Variants in BICDL2 observed in about 807,000 individuals in gnomAD.
BICDL2 encodes BICD family like cargo adaptor 2.
BICDL2 carries 62 observed loss-of-function variants against 56.6 expected under a neutral mutation model. The ratio of observed to expected loss-of-function variants is 1.10; its 90% CI spans 0.89 to 1.35. The LOEUF is 1.35. Among genes scored for constraint, BICDL2 ranks in the 40% most tolerant of loss-of-function variants. BICDL2 has a pLI of 0.00. For missense variants in BICDL2, 808 were observed against 684.5 expected, an observed-to-expected ratio of 1.18 and a Z score of -2.01; for synonymous variants, 358 against 319.8, an observed-to-expected ratio of 1.12 and a Z score of -1.27.
rs200230281 is a variant in BICDL2, at chr16:3,028,484, C to T, written c.1239-16G>A. On this transcript the variant is annotated splice_polypyrimidine_tract_variant and intron_variant, in intron 8 of 9. Coordinates refer to ENST00000572449, the MANE Select transcript of BICDL2 (RefSeq NM_001369667.1). ...CTCCAGGGCCCTAGGCGGGCAGGAG[C>T]AGAAGACGCGTTTGAGGGCGCTAGG... 2 of 1,570,848 alleles carry T rather than the reference C, an allele frequency of 1.3e-6. No individual in the cohort carries two copies. Among genetic ancestry groups the T allele is most frequent in the Admixed American group, 1.8e-5 (1 of 54,656 alleles).
chr16:3,034,642 TTTC>T (rs1457505328), intron 2 of BICDL2, among the ~76,000 whole-genome samples: 1 of 141,006 alleles, frequency 7.1e-6, no homozygotes, highest in Non-Finnish European at 1.6e-5. Flanking sequence ...CTTTCCTTTT[TTTC>T]TTTTCTTTCT....
chr16:3,028,489 G>A lies in BICDL2; in HGVS notation c.1239-21C>T, dbSNP rs761936838. 1.3e-5 allele frequency: 21 copies of A among 1,570,678 alleles called. No individual in the cohort carries two copies. In the East Asian group the frequency reaches 1.4e-4, roughly 10 times the overall value. On this transcript the variant is annotated intron_variant, in intron 8 of 9. Transcript: ENST00000572449. ...GGGCCCTAGGCGGGCAGGAGCAGAA[G>A]ACGCGTTTGAGGGCGCTAGGGCCTC...
At chr16:3,031,449 G>A in intron 2 of BICDL2, 1 of 533,220 alleles carries the variant, frequency 1.9e-6, no homozygotes, top group South Asian at 2.9e-5. Flanking sequence ...GAGGTCGCAA[G>A]CGCCGTTTTT....
chr16:3,035,101 G>T (rs911908377), intron 2 of BICDL2, 114 bp downstream of exon 2: 3 of 1,120,602 alleles, frequency 2.7e-6, no homozygotes, highest in Admixed American at 2.6e-5. Flanking sequence ...TCGCCCGGCT[G>T]TCCTCCCCAG....
chr16:3,034,234 C>T (rs1438545853), intron 2 of BICDL2, among the ~76,000 whole-genome samples: 1 of 152,188 alleles, frequency 6.6e-6, no homozygotes, highest in Non-Finnish European at 1.5e-5. Flanking sequence ...CAGAGAGGGC[C>T]AGCAGCTGAC....
At chr16:3,029,962 C>T in intron 5 of BICDL2, 1 of 537,624 alleles carries the variant, frequency 1.9e-6, no homozygotes. Context: ...CGAAGAGCCC[C>T]ATCTCCTCCC....
At position 3,030,812 on chromosome 16, in the gene BICDL2, CCTGGGGAGGT is replaced by C. The variant is rs779005751; in HGVS notation, c.499-10_499-1del. 1 of 1,605,642 alleles carries C rather than the reference CCTGGGGAGGT, an allele frequency of 6.2e-7. No homozygotes were observed. The highest frequency in any genetic ancestry group is 8.5e-7 in the Non-Finnish European group (1 of 1,177,266). On this transcript the variant is annotated splice_acceptor_variant and splice_polypyrimidine_tract_variant and intron_variant, in intron 3 of 9. Coordinates refer to ENST00000572449, the MANE Select transcript of BICDL2 (RefSeq NM_001369667.1). LOFTEE classifies it high-confidence loss of function. ...TGAAGTTCCTGCTCAGTCTGGGAGGCCTGGGGAGGTGGAAAGAGGGACAGAGGAGCCTCAG... is the reference window on the plus strand; with the variant it reads ...TGAAGTTCCTGCTCAGTCTGGGAGGCGGAAAGAGGGACAGAGGAGCCTCAG...
At chr16:3,030,348 C>G (rs776475873) in intron 5 of BICDL2, 101 bp downstream of exon 5, 4 of 1,436,544 alleles carry the variant, frequency 2.8e-6, no homozygotes, top group Non-Finnish European at 3.7e-6. Flanking sequence ...GGGCCAGCCT[C>G]TGGGCCTCCC....
intron 1 of BICDL2, chr16:3,036,619 C>T (rs547509266): frequency 4.4e-6 from 2 of 451,060 alleles, no homozygotes; most frequent in East Asian, 7.0e-5. Flanking sequence ...CCCCCGCCCC[C>T]CTCCACGCGA....
Position 3,028,203 on chromosome 16 carries a change from G to T in BICDL2, c.1430C>A (p.Ser477Ter). The T allele has an allele frequency of 1.4e-6, 2 of 1,467,758 alleles. No homozygotes were observed. Among genetic ancestry groups the T allele is most frequent in the Non-Finnish European group, 8.9e-7 (1 of 1,121,298 alleles). The allele number at this position is 1,467,758 out of a possible 1,614,324, so 90.9% of individuals were successfully genotyped here. A position where few individuals can be genotyped will look rare whatever the true frequency, so the allele number is the denominator to read the frequency against. Residue 477 changes from serine to a stop codon, truncating the protein, a stop_gained, in exon 10 of 10, where the codon TCG (serine) becomes TAG (stop). Transcript: ENST00000572449. LOFTEE classifies it low-confidence loss of function (END_TRUNC). ...CGCGGCACGGCGCGGGGTCGACGACGACGCGGAGGCGCTCAGCTCCTTCTG... is the reference window on the plus strand; with the variant it reads ...CGCGGCACGGCGCGGGGTCGACGACTACGCGGAGGCGCTCAGCTCCTTCTG... ...QRQKELSASA[S>*]SSTPRRAAPR...
In BICDL2 at chr16:3,029,563, G is replaced by C; in HGVS notation, c.939C>G (p.Asp313Glu). 5.8e-6 allele frequency: 9 copies of C among 1,548,004 alleles called. No individual in the cohort carries two copies. The highest frequency in any genetic ancestry group is 7.8e-6 in the Non-Finnish European group (9 of 1,151,230). The change falls in exon 6 of 10, where the codon GAC (aspartate) becomes GAG (glutamate). Residue 313 changes from aspartate to glutamate, a missense_variant. Asp to Glu is a conservative substitution (Grantham distance 45). Transcript: ENST00000572449. ...LDDGDQGQGA[D>E]APGDTPTTRS... ...AGCTCACCGGGGTGTCTCCGGGTGC[G>C]TCGGCGCCCTGGCCCTGGTCGCCGT...
At chr16:3,031,466 TG>T (rs1028109648) in intron 2 of BICDL2, 1 of 537,902 alleles carries the variant, frequency 1.9e-6, no homozygotes, top group Non-Finnish European at 3.3e-6. Context: ...TTTTGGCGCC[TG>T]AGTCTGGCAG....
At chr16:3,036,359 C>A (rs562785991) in intron 1 of BICDL2, 1 of 448,492 alleles carries the variant, frequency 2.2e-6, no homozygotes, top group Non-Finnish European at 4.5e-6. Context: ...GCCCTGGGCT[C>A]CCCTAGGGCG....
chr16:3,029,709 C>G lies in BICDL2; in HGVS notation c.793G>C (p.Ala265Pro), dbSNP rs1011571131. The G allele has an allele frequency of 6.5e-7, 1 of 1,539,610 alleles. No homozygotes were observed. Among genetic ancestry groups the G allele is most frequent in the South Asian group, 1.2e-5 (1 of 84,530 alleles). ...TGCAGCCTCCGCAGCGCACTCAGCG[C>G]CTCCCCAGCCTCTGACCGTGCGCGT... ...LERARSEAGE[A>P]LSALRRLQRR... Residue 265 changes from alanine to proline, a missense_variant, in exon 6 of 10, where the codon GCG becomes CCG. By Grantham distance (27) the Ala-to-Pro change is conservative. Coordinates refer to ENST00000572449, the MANE Select transcript of BICDL2 (RefSeq NM_001369667.1).
rs1304623425 is a variant in BICDL2 at position 3,029,533 on chromosome 16, C to A, written c.957+12G>T. ...TGGCACAGGTAAGGGGGCTGGGGCCCCACGAGCTCACCGGGGTGTCTCCGG... is the reference window on the plus strand; with the variant it reads ...TGGCACAGGTAAGGGGGCTGGGGCCACACGAGCTCACCGGGGTGTCTCCGG... On this transcript the variant is annotated intron_variant, in intron 6 of 9. Coordinates refer to ENST00000572449, the MANE Select transcript of BICDL2 (RefSeq NM_001369667.1). The A allele has an allele frequency of 6.4e-7, 1 of 1,554,954 alleles. No individual in the cohort carries two copies. The highest frequency in any genetic ancestry group is 8.6e-7 in the Non-Finnish European group (1 of 1,156,320).
At position 3,028,687 on chromosome 16, in the gene BICDL2, G is replaced by A; in HGVS notation, c.1238+13C>T. 6.4e-7 allele frequency: 1 copy of A among 1,568,614 alleles called. No homozygotes were observed. The highest frequency in any genetic ancestry group is 8.6e-7 in the Non-Finnish European group (1 of 1,156,296). On this transcript the variant is annotated intron_variant, in intron 8 of 9. Coordinates refer to ENST00000572449, the MANE Select transcript of BICDL2 (RefSeq NM_001369667.1). ...GAGGGCGCTGGGGCGGTGGTCAATG[G>A]CTTGAGGCTTACTTGTTCACGGCCT...
At chr16:3,031,346 A>G (rs1955651730) in intron 2 of BICDL2, 196 bp from the exon 3 acceptor site, 1 of 598,688 alleles carries the variant, frequency 1.7e-6, no homozygotes, top group African/African-American at 1.9e-5. Flanking sequence ...GAAGGTTCCG[A>G]GCAGACAGGA....
chr16:3,035,260 C>T lies in BICDL2; in HGVS notation c.237G>A (p.Arg79=). 1 of 1,549,798 alleles carries T rather than the reference C, an allele frequency of 6.5e-7. No individual in the cohort carries two copies. Among genetic ancestry groups the T allele is most frequent in the South Asian group, 1.2e-5 (1 of 84,124 alleles). Residue 79 remains arginine, a synonymous_variant, in exon 2 of 10, where the codon CGG becomes CGA. Coordinates refer to ENST00000572449, the MANE Select transcript of BICDL2 (RefSeq NM_001369667.1). ...GGGCGCTCAGCGTCTCCAGCTGCCGCCGCAGCTCTTCATTTCGCTCCAGAA... is the reference window on the plus strand; with the variant it reads ...GGGCGCTCAGCGTCTCCAGCTGCCGTCGCAGCTCTTCATTTCGCTCCAGAA... ...KMLLERNEEL[R]RQLETLSAQH... is the part of the protein sequence containing the mutation.
intron 2 of BICDL2, chr16:3,032,458 T>C (rs549438198): frequency 6.6e-5 from 10 of 152,406 alleles, no homozygotes; most frequent in Admixed American, 5.2e-4. Context: ...GCTCCACTTG[T>C]TCTGGGGTCT....
Sources: allele counts gnomAD v4.1 joint callset (sites outside exome capture counted in the v4.1 genomes callset), GRCh38; gene constraint gnomAD v4.1.1; transcripts MANE v1.5; gene names NCBI Gene and HGNC (gene_info 2026-07-23, HGNC 2026-07-21).